The following PKHD1 variants were observed in gnomAD, a reference collection of about 807,000 sequenced individuals.
PKHD1 encodes the protein PKHD1 ciliary IPT domain containing fibrocystin/polyductin, also known as fibrocystin.
In PKHD1, 291 loss-of-function variants were observed where a neutral mutation model predicts 412.0. That is an observed-to-expected ratio of 0.71 (90% CI 0.64 to 0.78). The LOEUF is 0.78. PKHD1 is among the 30% of genes least tolerant of loss of function. PKHD1 has a pLI of 0.00. For synonymous variants in PKHD1, 1,777 were observed against 1,821.5 expected (o/e 0.98, Z 0.62); for missense variants, 4,825 against 4,950.7 (o/e 0.97, Z 0.76).
Position 52,024,612 on chromosome 6 carries a change from G to T in PKHD1, c.5198C>A (p.Thr1733Asn). The change falls in exon 32 of 67, where the codon ACC (threonine) becomes AAC (asparagine). Residue 1733 changes from threonine (T) to asparagine (N), a missense_variant. By Grantham distance (65) the Thr-to-Asn change is moderately conservative (BLOSUM62 0). Coordinates refer to ENST00000371117, the MANE Select transcript of PKHD1 (RefSeq NM_138694.4). Reference protein sequence around the residue: ...RGWASSALVFTSRVIITAVTE... With the variant: ...RGWASSALVFNSRVIITAVTE... ...CACTGCTGTAATAATAACTCTTGAG[G>T]TGAACACCAGGGCAGATGAGGCCCA... 3 of 1,614,126 alleles carry T rather than the reference G, an allele frequency of 1.9e-6. No homozygotes were observed. The highest frequency in any genetic ancestry group is 1.3e-5 in the African/African-American group (1 of 75,036).
At chr6:51,661,178 C>G (rs1488314652) in intron 60 of PKHD1, among the ~76,000 whole-genome samples, 1 of 152,046 alleles carries the variant, frequency 6.6e-6, no homozygotes, top group Non-Finnish European at 1.5e-5. Context: ...AATATTCGAA[C>G]AAAAGAGTCT....
At chr6:51,780,123 C>T (rs1208607382) in intron 53 of PKHD1, among the ~76,000 whole-genome samples, 1 of 152,124 alleles carries the variant, frequency 6.6e-6, no homozygotes, top group Non-Finnish European at 1.5e-5. Flanking sequence ...TGTGGTGGCT[C>T]ATTCCTGTAA....
In PKHD1 at chr6:51,659,813, A is replaced by G. The variant is rs745611923; in HGVS notation, c.10313T>C (p.Val3438Ala). 6 of 1,613,892 alleles carry G rather than the reference A, an allele frequency of 3.7e-6. No individual in the cohort carries two copies. Among genetic ancestry groups the G allele is most frequent in the Non-Finnish European group, 4.2e-6 (5 of 1,179,852 alleles). The change falls in exon 61 of 67, where the codon GTT becomes GCT. Residue 3438 changes from valine (V) to alanine (A), a missense_variant. By Grantham distance (64) the Val-to-Ala change is moderately conservative (BLOSUM62 0). Coordinates refer to ENST00000371117, the MANE Select transcript of PKHD1 (RefSeq NM_138694.4). Reference sequence around the variant, plus strand: ...GGCATTTACACTGCTAAAGACATCAACAAAACCACTAGTCACAGATACAAC... The same window carrying G: ...GGCATTTACACTGCTAAAGACATCAGCAAAACCACTAGTCACAGATACAAC... ...YPVVSVTSGF[V>A]DVFSSVNANI...
rs1777639927 is a variant in PKHD1, at chr6:51,883,132, T to C, written c.7311A>G (p.Ser2437=). ...GACCAAGTAATAAGCTGTCAGTAAC[T>C]GAAGTATTTGCATCACTTTCCAAGA... ...IDVLESDANT[S]VTDSLLLGHF... The change falls in exon 46 of 67, where the codon TCA becomes TCG. Residue 2437 remains serine (S), a synonymous_variant. Coordinates refer to ENST00000371117, the MANE Select transcript of PKHD1 (RefSeq NM_138694.4). 2.5e-6 allele frequency: 4 copies of C among 1,613,006 alleles called. No individual in the cohort carries two copies. The highest frequency in any genetic ancestry group is 3.4e-6 in the Non-Finnish European group (4 of 1,179,094).
At chr6:51,927,519 TG>T (rs1785858064) in intron 37 of PKHD1, among the ~76,000 whole-genome samples, 1 of 152,178 alleles carries the variant, frequency 6.6e-6, no homozygotes, top group South Asian at 2.1e-4. Flanking sequence ...GCCATCAGCC[TG>T]GGTGAGCTAA....
rs886061617 is a variant in PKHD1 at position 51,903,732 on chromosome 6, T to C, written c.6866-5A>G. 1 of 1,608,792 alleles carries C rather than the reference T, an allele frequency of 6.2e-7. No homozygotes were observed. The highest frequency in any genetic ancestry group is 2.2e-5 in the East Asian group (1 of 44,724). The stretch of plus-strand genomic sequence containing the variant: ...TATTTCCATGTCCTGACCAGTCTAA[T>C]GTTTCAACAAATCCAGGGGATCCAC... On this transcript the variant is annotated splice_polypyrimidine_tract_variant and splice_region_variant and intron_variant, in intron 42 of 66. Coordinates refer to ENST00000371117, the MANE Select transcript of PKHD1 (RefSeq NM_138694.4).
At chr6:51,660,712 G>T (rs753308545) in intron 60 of PKHD1, among the ~76,000 whole-genome samples, 29 of 152,104 alleles carry the variant, frequency 1.9e-4, no homozygotes, top group Non-Finnish European at 3.7e-4. Context: ...TGGAAGAGAC[G>T]CATAGGACAA....
chr6:51,754,319 C>T (rs1431987679), intron 56 of PKHD1, among the ~76,000 whole-genome samples: 1 of 151,954 alleles, frequency 6.6e-6, no homozygotes, highest in South Asian at 2.1e-4. Context: ...GTAGTTAATA[C>T]ATAAAATGTA....
At chr6:51,883,314 A>T in intron 45 of PKHD1, 87 bp from the exon 46 acceptor site, 1 of 1,185,528 alleles carries the variant, frequency 8.4e-7, no homozygotes, top group Non-Finnish European at 1.3e-6. Context: ...TTGATTAAGT[A>T]GAAAGAAGCA....
chr6:51,672,342 C>G (rs748229029), intron 60 of PKHD1, among the ~76,000 whole-genome samples: 1 of 152,124 alleles, frequency 6.6e-6, no homozygotes, highest in Non-Finnish European at 1.5e-5. Context: ...GTCACTCAAC[C>G]CCACACCACT....
chr6:52,047,920 G>GA (rs1217865742), intron 23 of PKHD1, among the ~76,000 whole-genome samples: 10 of 152,332 alleles, frequency 6.6e-5, no homozygotes, highest in Admixed American at 4.6e-4. Context: ...GTCTTGAGAG[G>GA]AAAAATCTGT....
chr6:52,056,614 G>A (rs1192911754), intron 18 of PKHD1, 84 bp downstream of exon 18: 14 of 1,049,574 alleles, frequency 1.3e-5, no homozygotes, highest in Non-Finnish European at 2.1e-5. Flanking sequence ...TCACCTTGGA[G>A]AGGAAATGGG....
intron 28 of PKHD1, among the ~76,000 whole-genome samples, chr6:52,033,432 G>A (rs1229833239): frequency 1.3e-5 from 2 of 151,790 alleles, no homozygotes; most frequent in Non-Finnish European, 2.9e-5. Context: ...TGCTGTAAGG[G>A]GTAAATAAGA....
chr6:52,075,276 A>G (rs2128235971), intron 6 of PKHD1, among the ~76,000 whole-genome samples: 1 of 152,390 alleles, frequency 6.6e-6, no homozygotes, highest in East Asian at 1.9e-4. Context: ...CACAGAAAAT[A>G]TAAAACGCTT....
chr6:51,991,576 A>G (rs9463746), intron 35 of PKHD1, among the ~76,000 whole-genome samples: 62,289 of 152,082 alleles, frequency 0.41, 12,948 homozygotes, highest in Middle Eastern at 0.57. Flanking sequence ...CTATTGTCAC[A>G]TATTTAAAAT....
intron 63 of PKHD1, among the ~76,000 whole-genome samples, chr6:51,643,656 CGTTTT>C (rs772824872): frequency 8.6e-5 from 13 of 152,032 alleles, no homozygotes; most frequent in Non-Finnish European, 1.6e-4. Flanking sequence ...TTTAGAGTCT[CGTTTT>C]GTTTTGTTTT....
intron 35 of PKHD1, among the ~76,000 whole-genome samples, chr6:51,978,001 C>A (rs779610476): frequency 6.6e-6 from 1 of 152,166 alleles, no homozygotes; most frequent in Non-Finnish European, 1.5e-5. Context: ...AAAAAATGGG[C>A]CAGCCATTCA....
chr6:51,651,773 A>T (rs921817432), intron 61 of PKHD1, among the ~76,000 whole-genome samples: 2 of 152,150 alleles, frequency 1.3e-5, no homozygotes, highest in East Asian at 1.9e-4. Flanking sequence ...TCAAGTTACC[A>T]AGCAATGATG....
chr6:52,057,054 A>T, intron 16 of PKHD1, 75 bp from the exon 17 acceptor site: 4 of 919,604 alleles, frequency 4.3e-6, no homozygotes, highest in Non-Finnish European at 3.6e-6. Flanking sequence ...AACACAGGAC[A>T]TTCCTCCTCA....
Sources: gnomAD v4.1 joint callset for allele counts (sites outside exome capture counted in the v4.1 genomes callset) on GRCh38, gnomAD v4.1.1 for gene constraint, MANE v1.5 for transcripts, NCBI Gene and HGNC (gene_info 2026-07-23, HGNC 2026-07-21) for gene names.